The following TBCK variants were observed in gnomAD, a reference collection of about 807,000 sequenced individuals.
TBCK encodes TBC domain-containing protein kinase-like protein.
TBCK carries 99 observed loss-of-function variants against 113.4 expected under a neutral mutation model. That is an observed-to-expected ratio of 0.87 (90% CI 0.74 to 1.03). TBCK has a LOEUF of 1.03. Ranked by LOEUF, TBCK falls within the 50% of genes least tolerant of loss-of-function variation. TBCK has a pLI of 0.00. For synonymous variants in TBCK, 369 were observed against 370.8 expected (o/e 1.00, Z 0.05); for missense variants, 1,045 against 1,061.3 (o/e 0.98, Z 0.21).
At chr4:106,249,817 T>C (rs539385696) in intron 7 of TBCK, among the ~76,000 whole-genome samples, 25 of 152,260 alleles carry the variant, frequency 1.6e-4, no homozygotes, top group African/African-American at 6.0e-4. Context: ...GTACATATTC[T>C]TATTTGTAAA....
chr4:106,271,172 A>C (rs1214333319), intron 3 of TBCK, among the ~76,000 whole-genome samples: 2 of 152,112 alleles, frequency 1.3e-5, no homozygotes, highest in African/African-American at 2.4e-5. Flanking sequence ...CTTGAACTAG[A>C]CTTTCAGTTC....
intron 20 of TBCK, among the ~76,000 whole-genome samples, chr4:106,207,394 T>C (rs1755649731): frequency 6.6e-6 from 1 of 152,126 alleles, no homozygotes; most frequent in South Asian, 2.1e-4. Flanking sequence ...GGAAACTCGG[T>C]TTGGTAAATC....
intron 20 of TBCK, among the ~76,000 whole-genome samples, chr4:106,203,968 CTCT>C (rs1755169889): frequency 1.3e-5 from 2 of 152,076 alleles, no homozygotes; most frequent in African/African-American, 4.8e-5. Flanking sequence ...ACCATACCTC[CTCT>C]GACAGAGTAT....
intron 3 of TBCK, among the ~76,000 whole-genome samples, chr4:106,268,690 C>G (rs1430773915): frequency 6.6e-6 from 1 of 152,022 alleles, no homozygotes; most frequent in Non-Finnish European, 1.5e-5. Context: ...TACTGGGTAA[C>G]AGGATAATCT....
At chr4:106,116,738 T>C (rs1042519526) in intron 23 of TBCK, among the ~76,000 whole-genome samples, 1 of 152,222 alleles carries the variant, frequency 6.6e-6, no homozygotes, top group South Asian at 2.1e-4. Flanking sequence ...TTGTGAACTA[T>C]GTATGTGAGG....
intron 25 of TBCK, among the ~76,000 whole-genome samples, chr4:106,076,216 G>A (rs1204428708): frequency 6.6e-6 from 1 of 152,154 alleles, no homozygotes; most frequent in Non-Finnish European, 1.5e-5. Context: ...TCTTGAGTGG[G>A]GATGCTGCAG....
chr4:106,171,067 T>A (rs751834604), intron 23 of TBCK, 28 bp downstream of exon 23: 1 of 1,546,654 alleles, frequency 6.5e-7, no homozygotes, highest in Admixed American at 2.1e-5. Context: ...CCTTTTAGAG[T>A]TTGTAAACTA....
chr4:106,064,441 C>T (rs1578787085), intron 25 of TBCK, among the ~76,000 whole-genome samples: 2 of 151,350 alleles, frequency 1.3e-5, no homozygotes. Flanking sequence ...CATCTGCCTG[C>T]AACTAGATAT....
At chr4:106,159,114 T>G (rs1224156012) in intron 23 of TBCK, among the ~76,000 whole-genome samples, 1 of 149,750 alleles carries the variant, frequency 6.7e-6, no homozygotes, top group African/African-American at 2.4e-5. Context: ...GATAAAAACA[T>G]TTAATAACTA....
At chr4:106,290,070 G>C (rs1448934122) in intron 3 of TBCK, among the ~76,000 whole-genome samples, 1 of 152,120 alleles carries the variant, frequency 6.6e-6, no homozygotes, top group Non-Finnish European at 1.5e-5. Flanking sequence ...AAAGTTGTGG[G>C]CATAATTGGT....
At chr4:106,206,148 C>A (rs1194197570) in intron 20 of TBCK, among the ~76,000 whole-genome samples, 2 of 152,058 alleles carry the variant, frequency 1.3e-5, no homozygotes, top group Non-Finnish European at 2.9e-5. Context: ...GTTCTGAGAG[C>A]AAAATGTTTT....
chr4:106,219,860 T>C (rs961575801), intron 19 of TBCK, among the ~76,000 whole-genome samples: 4 of 152,186 alleles, frequency 2.6e-5, no homozygotes, highest in Non-Finnish European at 5.9e-5. Flanking sequence ...AATAACATCA[T>C]AAAACTTTTC....
At chr4:106,110,461 G>C (rs1742709331) in intron 24 of TBCK, among the ~76,000 whole-genome samples, 1 of 152,134 alleles carries the variant, frequency 6.6e-6, no homozygotes, top group South Asian at 2.1e-4. Flanking sequence ...TTCATCATAG[G>C]ACAACAGTTA....
intron 23 of TBCK, among the ~76,000 whole-genome samples, chr4:106,125,339 A>C (rs1176408474): frequency 6.6e-6 from 1 of 152,170 alleles, no homozygotes; most frequent in East Asian, 1.9e-4. Context: ...CTATCAATGG[A>C]TGAATAAAGA....
chr4:106,121,844 A>T (rs1304525390), intron 23 of TBCK, among the ~76,000 whole-genome samples: 1 of 152,160 alleles, frequency 6.6e-6, no homozygotes, highest in East Asian at 1.9e-4. Flanking sequence ...AAGACACAAC[A>T]TACCAGAATC....
At chr4:106,058,076 T>C (rs1350785602) in intron 25 of TBCK, among the ~76,000 whole-genome samples, 1 of 151,752 alleles carries the variant, frequency 6.6e-6, no homozygotes, top group Non-Finnish European at 1.5e-5. Context: ...ACTTAATCAA[T>C]TTGCCTATCA....
intron 8 of TBCK, among the ~76,000 whole-genome samples, chr4:106,248,590 T>G (rs1761090014): frequency 6.6e-6 from 1 of 152,194 alleles, no homozygotes; most frequent in African/African-American, 2.4e-5. Context: ...CTTTGAAACT[T>G]AATGGCCAAT....
At chr4:106,156,950 T>G (rs866476273) in intron 23 of TBCK, among the ~76,000 whole-genome samples, 1 of 152,178 alleles carries the variant, frequency 6.6e-6, no homozygotes, top group Non-Finnish European at 1.5e-5. Flanking sequence ...ATAGCCATCA[T>G]AGCTAGTAAT....
At chr4:106,216,944 T>G (rs1447161573) in intron 19 of TBCK, among the ~76,000 whole-genome samples, 2 of 152,156 alleles carry the variant, frequency 1.3e-5, no homozygotes, top group African/African-American at 2.4e-5. Flanking sequence ...ATATCCTTGA[T>G]GAACATTGAT....
Sources: gnomAD v4.1 joint callset for allele counts (sites outside exome capture counted in the v4.1 genomes callset) on GRCh38, gnomAD v4.1.1 for gene constraint, MANE v1.5 for transcripts, NCBI Gene and HGNC (gene_info 2026-07-23, HGNC 2026-07-21) for gene names.